Variants in EPB41L4B observed in about 807,000 individuals in gnomAD.
EPB41L4B encodes the protein erythrocyte membrane protein band 4.1 like 4B, also known as band 4.1-like protein 4B.
EPB41L4B carries 30 observed loss-of-function variants against 112.5 expected under a neutral mutation model. The ratio of observed to expected loss-of-function variants is 0.27; its 90% CI spans 0.20 to 0.36. The LOEUF (loss-of-function observed/expected upper bound fraction) is 0.36. Among genes scored for constraint, EPB41L4B ranks in the 10% least tolerant of loss-of-function variants. EPB41L4B has a pLI of 1.00. For missense variants in EPB41L4B, 1,024 were observed against 1,133.3 expected (o/e 0.90, Z 1.38); for synonymous variants, 408 against 439.7 (o/e 0.93, Z 0.90).
chr9:109,307,573 A>C (rs1837259166), intron 1 of EPB41L4B, among the ~76,000 whole-genome samples: 1 of 152,204 alleles, frequency 6.6e-6, no homozygotes, highest in Non-Finnish European at 1.5e-5. Context: ...TACAGATTGT[A>C]ACCGACTGAG....
rs368715066 is a variant in EPB41L4B, at chr9:109,255,669, T to C, written c.1011A>G (p.Gln337=). 6 of 1,612,602 alleles carry C rather than the reference T, an allele frequency of 3.7e-6. No homozygotes were observed. In the African/African-American group the frequency reaches 5.3e-5, roughly 14 times the overall value. Residue 337 remains glutamine, a synonymous_variant, in exon 11 of 26, where the codon CAA becomes CAG. Transcript: ENST00000374566. ...VVEDDDQGRE[Q]EHTFVFRLDS... is the part of the protein sequence containing the mutation. ...CTAACCGGAACACAAACGTGTGCTC[T>C]TGCTCACGTCCCTTAAAGAGGAAGC... is the stretch of plus-strand genomic sequence containing the variant.
At chr9:109,311,506 G>C (rs542406934) in intron 1 of EPB41L4B, among the ~76,000 whole-genome samples, 2 of 152,332 alleles carry the variant, frequency 1.3e-5, no homozygotes, top group African/African-American at 4.8e-5. Flanking sequence ...TGATCCCACA[G>C]GTGGGACAGG....
At chr9:109,272,190 C>T (rs1835649019) in intron 2 of EPB41L4B, among the ~76,000 whole-genome samples, 1 of 152,164 alleles carries the variant, frequency 6.6e-6, no homozygotes. Flanking sequence ...GGCATGGTGG[C>T]TCACACCTGT....
At chr9:109,286,773 C>T (rs144535484) in intron 1 of EPB41L4B, among the ~76,000 whole-genome samples, 4 of 152,214 alleles carry the variant, frequency 2.6e-5, no homozygotes, top group South Asian at 4.1e-4. Flanking sequence ...AGGGTTGAAA[C>T]GCAAACCCAG....
Position 109,320,246 on chromosome 9 carries a change from G to A in EPB41L4B, c.201C>T (p.Leu67=), listed in dbSNP as rs1837813927. 7.2e-6 allele frequency: 9 copies of A among 1,252,544 alleles called. No individual in the cohort carries two copies. In the African/African-American group the frequency reaches 9.4e-5, roughly 13 times the overall value. 77.6% of individuals were successfully genotyped at this position (1,252,544 alleles called of 1,614,324 possible). Residue 67 remains leucine, a synonymous_variant, in exon 1 of 26, where the codon CTC becomes CTT. Coordinates refer to ENST00000374566, the MANE Select transcript of EPB41L4B (RefSeq NM_019114.5). ...SVFPAGGGPL[L]TGGAAVHISA... is the part of the protein sequence containing the mutation. ...AGATGTGCACGGCCGCGCCGCCGGTGAGCAGGGGCCCGCCGCCCGCCGGGA... is the reference window on the plus strand; with the variant it reads ...AGATGTGCACGGCCGCGCCGCCGGTAAGCAGGGGCCCGCCGCCCGCCGGGA...
intron 15 of EPB41L4B, among the ~76,000 whole-genome samples, chr9:109,220,126 G>T (rs1833521539): frequency 6.6e-6 from 1 of 152,102 alleles, no homozygotes; most frequent in African/African-American, 2.4e-5. Flanking sequence ...GAAGTACTTG[G>T]GTTTTTCCAA....
chr9:109,240,732 G>C (rs1429196775), intron 15 of EPB41L4B: 26 of 985,250 alleles, frequency 2.6e-5, no homozygotes, highest in Non-Finnish European at 3.1e-5. Context: ...GCTTTCATTT[G>C]AGCCATAAAT....
chr9:109,241,948 G>C, intron 15 of EPB41L4B: 2 of 790,840 alleles, frequency 2.5e-6, no homozygotes, highest in Non-Finnish European at 4.1e-6. Flanking sequence ...GAATGGAAAT[G>C]AATGGATTTC....
At chr9:109,307,260 A>T in intron 1 of EPB41L4B, 2 of 495,212 alleles carry the variant, frequency 4.0e-6, no homozygotes. Context: ...TTTAATTAAG[A>T]GGAACTTCAT....
At chr9:109,190,342 T>C (rs192549262) in intron 22 of EPB41L4B, among the ~76,000 whole-genome samples, 122 of 152,268 alleles carry the variant, frequency 8.0e-4, no homozygotes, top group African/African-American at 2.9e-3. Context: ...ACATGGGAAG[T>C]TCTGACATTC....
At chr9:109,221,096 T>C (rs1394266248) in intron 15 of EPB41L4B, among the ~76,000 whole-genome samples, 1 of 152,216 alleles carries the variant, frequency 6.6e-6, no homozygotes, top group Non-Finnish European at 1.5e-5. Flanking sequence ...CCCCCAACTA[T>C]TTATCCAGTA....
intron 15 of EPB41L4B, chr9:109,241,659 C>T (rs143783100): frequency 1.2e-6 from 2 of 1,613,976 alleles, no homozygotes; most frequent in Non-Finnish European, 1.7e-6. Flanking sequence ...ATGCTTCAGT[C>T]TCTCAAAGTG....
intron 24 of EPB41L4B, among the ~76,000 whole-genome samples, chr9:109,179,272 CG>C (rs1236484333): frequency 1.3e-5 from 2 of 152,206 alleles, no homozygotes; most frequent in East Asian, 3.8e-4. Flanking sequence ...AATGCTAGAT[CG>C]ACTGCCAGAC....
At chr9:109,255,405 C>T (rs1834939259) in intron 11 of EPB41L4B, 106 bp downstream of exon 11, 4 of 1,367,476 alleles carry the variant, frequency 2.9e-6, no homozygotes, top group Admixed American at 2.1e-5. Context: ...GGACACACAA[C>T]CTAAGTTTCT....
At chr9:109,219,716 A>G (rs988551523) in intron 15 of EPB41L4B, among the ~76,000 whole-genome samples, 7 of 152,376 alleles carry the variant, frequency 4.6e-5, no homozygotes, top group Admixed American at 2.0e-4. Flanking sequence ...ATAAAAGTAA[A>G]TATGTTAATA....
At chr9:109,284,183 C>A (rs1213643333) in intron 1 of EPB41L4B, among the ~76,000 whole-genome samples, 3 of 152,222 alleles carry the variant, frequency 2.0e-5, no homozygotes, top group East Asian at 3.9e-4. Flanking sequence ...AATCATTGAA[C>A]GCAAAGCCTA....
Position 109,256,233 on chromosome 9 carries a change from AAACG to A in EPB41L4B, c.841-13_841-10del. 6.2e-7 allele frequency: 1 copy of A among 1,613,426 alleles called. No homozygotes were observed. Among genetic ancestry groups the A allele is most frequent in the Non-Finnish European group, 8.5e-7 (1 of 1,179,378 alleles). ...TCACAGCCATCTCTTCCCTACAAAC[AAACG>A]AAGTGACAATCGGTAGAGGGTTCTA... On this transcript the variant is annotated splice_polypyrimidine_tract_variant and intron_variant, in intron 8 of 25. Coordinates refer to ENST00000374566, the MANE Select transcript of EPB41L4B (RefSeq NM_019114.5).
At chr9:109,272,830 G>A (rs1307262327) in intron 2 of EPB41L4B, among the ~76,000 whole-genome samples, 1 of 152,192 alleles carries the variant, frequency 6.6e-6, no homozygotes, top group Admixed American at 6.5e-5. Flanking sequence ...CCCAAAGGAT[G>A]AAAAGAGAAG....
rs778316367 is a variant in EPB41L4B, at chr9:109,207,919, C to T, written c.1878+5G>A. 1.1e-5 allele frequency: 18 copies of T among 1,613,854 alleles called. No individual in the cohort carries two copies. Among genetic ancestry groups the T allele is most frequent in the South Asian group, 7.7e-5 (7 of 91,058 alleles). On this transcript the variant is annotated splice_donor_5th_base_variant and intron_variant, in intron 18 of 25. Coordinates refer to ENST00000374566, the MANE Select transcript of EPB41L4B (RefSeq NM_019114.5). ...AAATCAAAGGAATGTATGCATTCTG[C>T]GCACCTGGATGTTCACTCGGGAAGC... is the stretch of plus-strand genomic sequence containing the variant.
Sources: gnomAD v4.1 joint callset for allele counts (sites outside exome capture counted in the v4.1 genomes callset) on GRCh38, gnomAD v4.1.1 for gene constraint, MANE v1.5 for transcripts, NCBI Gene and HGNC (gene_info 2026-07-23, HGNC 2026-07-21) for gene names.